ACSS3: variants seen among roughly 807,000 people sequenced by gnomAD.
ACSS3 encodes acyl-CoA synthetase short chain family member 3, also known as acyl-CoA synthetase short-chain family member 3, mitochondrial.
ACSS3 carries 64 observed loss-of-function variants against 84.2 expected under a neutral mutation model. The observed-to-expected ratio is 0.76, with a 90% confidence interval of 0.62 to 0.94. The LOEUF (loss-of-function observed/expected upper bound fraction) is 0.94. ACSS3 is among the 40% of genes least tolerant of loss of function. The pLI is 0.00. For missense variants in ACSS3, 815 were observed against 867.6 expected (o/e 0.94, Z 0.76); for synonymous variants, 317 against 310.1 (o/e 1.02, Z -0.23).
chr12:81,193,474 C>T (rs1242139537), intron 8 of ACSS3, among the ~76,000 whole-genome samples: 1 of 151,648 alleles, frequency 6.6e-6, no homozygotes, highest in African/African-American at 2.4e-5. Flanking sequence ...GCTTAATTTT[C>T]AGCTTCATTT....
At chr12:81,208,670 A>G (rs1921035) in intron 9 of ACSS3, among the ~76,000 whole-genome samples, 60,956 of 151,858 alleles carry the variant, frequency 0.4, 13,024 homozygotes, top group Middle Eastern at 0.48. Context: ...TCGCCTTTAC[A>G]AAACCCCCCA....
chr12:81,140,728 A>T (rs1046291044), intron 4 of ACSS3, among the ~76,000 whole-genome samples: 6 of 152,224 alleles, frequency 3.9e-5, no homozygotes, highest in African/African-American at 1.4e-4. Context: ...ATGCAAAATC[A>T]GTAATATAGA....
In ACSS3 at chr12:81,139,239, A is replaced by G. The variant is rs770033703; in HGVS notation, c.754A>G (p.Ile252Val). ...AATAGGACAACACAAACCAGACAAA[A>G]TTCTCATTTATAATCGTCCAAATAT... ...LKIGQHKPDK[I>V]LIYNRPNMEA... The change falls in exon 4 of 16, where the codon ATT (isoleucine) becomes GTT (valine). Residue 252 changes from isoleucine to valine, a missense_variant. By Grantham distance (29) the Ile-to-Val change is conservative. Transcript: ENST00000548058. 3 of 1,614,016 alleles carry G rather than the reference A, an allele frequency of 1.9e-6. No homozygotes were observed.
At chr12:81,128,350 G>A (rs191102609) in intron 2 of ACSS3, among the ~76,000 whole-genome samples, 1 of 152,176 alleles carries the variant, frequency 6.6e-6, no homozygotes, top group Non-Finnish European at 1.5e-5. Context: ...GTACCAAAAT[G>A]ATTCATCTAA....
At chr12:81,084,796 C>A (rs1444360255) in intron 1 of ACSS3, among the ~76,000 whole-genome samples, 1 of 152,100 alleles carries the variant, frequency 6.6e-6, no homozygotes, top group Non-Finnish European at 1.5e-5. Context: ...TCTAGAGATG[C>A]TTTGAGGCTA....
Position 81,233,597 on chromosome 12 carries a change from C to T in ACSS3, c.1719+126C>T, listed in dbSNP as rs1201210305. ...TTCATTTGCAGCAGAGGCTAGGTTA[C>T]TCTTACATCTCTCCCACCTCACTTT... On this transcript the variant is annotated intron_variant, in intron 13 of 15. Transcript: ENST00000548058. 7.9e-6 allele frequency: 9 copies of T among 1,145,332 alleles called. No homozygotes were observed. The East Asian group carries it at 1.7e-4, about 22-fold the overall frequency. The allele number at this position is 1,145,332 out of a possible 1,614,324, so 70.9% of individuals were successfully genotyped here.
chr12:81,211,575 G>A (rs186495362), intron 9 of ACSS3, among the ~76,000 whole-genome samples: 3 of 152,184 alleles, frequency 2.0e-5, no homozygotes, highest in Admixed American at 6.5e-5. Context: ...CATGTGAATT[G>A]GTCCCTGATG....
chr12:81,086,732 T>C (rs1452447168), intron 1 of ACSS3, among the ~76,000 whole-genome samples: 1 of 152,188 alleles, frequency 6.6e-6, no homozygotes, highest in Non-Finnish European at 1.5e-5. Flanking sequence ...TTCTTCTTTT[T>C]ATTTTTTTTT....
chr12:81,159,854 ATTTC>A, intron 7 of ACSS3, among the ~76,000 whole-genome samples: 1 of 152,290 alleles, frequency 6.6e-6, no homozygotes, highest in East Asian at 1.9e-4. Context: ...TCTTTCTAGT[ATTTC>A]TTCCCTTTAC....
At chr12:81,253,813 G>A (rs756732277) in intron 15 of ACSS3, 143 bp downstream of exon 15, 55 of 841,916 alleles carry the variant, frequency 6.5e-5, no homozygotes, top group Non-Finnish European at 7.7e-5. Context: ...TAATGTTAAG[G>A]GAGAGATTAT....
rs1224911071 is a variant in ACSS3, at chr12:81,260,883, G to C, written c.*5961G>C. ...GAAAGTGGTTAAATATTTTGGTAAAGCATAGTTTTAGGTTGAAAAAAAATT... is the reference window on the plus strand; with the variant it reads ...GAAAGTGGTTAAATATTTTGGTAAACCATAGTTTTAGGTTGAAAAAAAATT... On this transcript the variant is annotated 3_prime_UTR_variant, in exon 16 of 16. Transcript: ENST00000548058. The C allele has an allele frequency of 6.6e-6, 1 of 151,908 alleles. No individual in the cohort carries two copies. Among genetic ancestry groups the C allele is most frequent in the African/African-American group, 2.4e-5 (1 of 41,324 alleles). The allele number at this position is 151,908 out of a possible 1,614,324, so 9.4% of individuals were successfully genotyped here.
chr12:81,235,008 T>G (rs1265627512), intron 13 of ACSS3, among the ~76,000 whole-genome samples: 1 of 151,430 alleles, frequency 6.6e-6, no homozygotes, highest in South Asian at 2.1e-4. Context: ...CTCTTTTGTT[T>G]TCATCTAAGA....
At chr12:81,106,135 CACACAGCAGGAGGTGAGCA>C (rs1882976368) in intron 1 of ACSS3, among the ~76,000 whole-genome samples, 1 of 152,138 alleles carries the variant, frequency 6.6e-6, no homozygotes, top group African/African-American at 2.4e-5. Context: ...GGAACTGGGC[CACACAGCAGGAGGTGAGCA>C]GCAGGTGACT....
At chr12:81,143,379 T>C in intron 5 of ACSS3, 132 bp downstream of exon 5, 1 of 1,012,452 alleles carries the variant, frequency 9.9e-7, no homozygotes, top group Non-Finnish European at 1.3e-6. Context: ...GCTTTTATTT[T>C]TTTTTCCTGT....
intron 7 of ACSS3, among the ~76,000 whole-genome samples, chr12:81,160,690 T>A (rs1700186887): frequency 6.6e-6 from 1 of 152,240 alleles, no homozygotes; most frequent in South Asian, 2.1e-4. Context: ...TTTTATTTTT[T>A]AACTCTGGAA....
chr12:81,078,642 C>T (rs1880775421), intron 1 of ACSS3, among the ~76,000 whole-genome samples: 1 of 152,122 alleles, frequency 6.6e-6, no homozygotes, highest in Non-Finnish European at 1.5e-5. Context: ...ATTGTGAACC[C>T]AGTGTCCCAT....
At chr12:81,182,633 G>T (rs2031012051) in intron 8 of ACSS3, among the ~76,000 whole-genome samples, 1 of 152,138 alleles carries the variant, frequency 6.6e-6, no homozygotes, top group Admixed American at 6.6e-5. Flanking sequence ...AAAATCTAGA[G>T]ATTTTGTATG....
rs371630740 is a variant in ACSS3, at chr12:81,113,983, T to C, written c.456+4279T>C. 5.7e-4 allele frequency among the ~76,000 whole-genome samples: 87 copies of C among 152,250 alleles called. No individual in the cohort carries two copies. The Middle Eastern group carries it at 0.01, about 18-fold the overall frequency. ...ATTTTATGTGTATGTATATCTTATA[T>C]ATATAGTACTAGTCATTTTAAAGTA... On this transcript the variant is annotated intron_variant, in intron 2 of 15. Transcript: ENST00000548058.
intron 2 of ACSS3, among the ~76,000 whole-genome samples, chr12:81,123,607 C>A (rs1336722027): frequency 6.6e-6 from 1 of 150,584 alleles, no homozygotes; most frequent in East Asian, 2.0e-4. Context: ...AGTTCTCACC[C>A]CCCTCTCACC....
Sources: allele counts gnomAD v4.1 joint callset (sites outside exome capture counted in the v4.1 genomes callset), GRCh38; gene constraint gnomAD v4.1.1; transcripts MANE v1.5; gene names NCBI Gene and HGNC (gene_info 2026-07-23, HGNC 2026-07-21).